The following TRIM24 variants were observed in gnomAD, a reference collection of about 807,000 sequenced individuals.
TRIM24 encodes the protein tripartite motif containing 24, also known as transcription intermediary factor 1-alpha.
A neutral mutation model predicts 123.9 loss-of-function variants in TRIM24; 29 were observed. That is an observed-to-expected ratio of 0.23 (90% confidence interval 0.17 to 0.32). The LOEUF (loss-of-function observed/expected upper bound fraction) is 0.32. TRIM24 is among the 10% of genes least tolerant of loss of function. The pLI, the probability that TRIM24 is intolerant of heterozygous loss-of-function variation, is 1.00. For synonymous variants in TRIM24, 456 were observed against 461.1 expected, an observed-to-expected ratio of 0.99 and a Z score of 0.14; for missense variants, 932 against 1,295.3, an observed-to-expected ratio of 0.72 and a Z score of 4.31.
At chr7:138,580,148 C>T (rs2116690643) in intron 15 of TRIM24, among the ~76,000 whole-genome samples, 1 of 152,206 alleles carries the variant, frequency 6.6e-6, no homozygotes, top group African/African-American at 2.4e-5. Flanking sequence ...GTTGATCTCT[C>T]AGTTCTTGGA....
intron 6 of TRIM24, among the ~76,000 whole-genome samples, chr7:138,532,018 G>A (rs1332593261): frequency 4.0e-5 from 6 of 151,888 alleles, no homozygotes; most frequent in Non-Finnish European, 7.4e-5. Flanking sequence ...AATGTCTTTA[G>A]AGAAGTGTCT....
intron 1 of TRIM24, among the ~76,000 whole-genome samples, chr7:138,465,183 C>T (rs1456874868): frequency 6.6e-6 from 1 of 152,174 alleles, no homozygotes; most frequent in Non-Finnish European, 1.5e-5. Flanking sequence ...TGTTTTAAAA[C>T]TTCGGTTTAA....
intron 1 of TRIM24, among the ~76,000 whole-genome samples, chr7:138,474,216 C>T (rs575825362): frequency 3.3e-5 from 5 of 149,680 alleles, no homozygotes; most frequent in Non-Finnish European, 5.9e-5. Context: ...AACTCTGCCT[C>T]CCGGGTTCAC....
At chr7:138,473,202 C>T (rs1563023066) in intron 1 of TRIM24, among the ~76,000 whole-genome samples, 1 of 152,168 alleles carries the variant, frequency 6.6e-6, no homozygotes, top group Non-Finnish European at 1.5e-5. Flanking sequence ...ATTGCTTGAA[C>T]CCAGGAGGCG....
intron 6 of TRIM24, among the ~76,000 whole-genome samples, chr7:138,537,207 A>ACTGTACCCACGGTC (rs1676910991): frequency 1.3e-5 from 2 of 151,922 alleles, no homozygotes; most frequent in African/African-American, 4.8e-5. Flanking sequence ...CACTCGGTGC[A>ACTGTACCCACGGTC]CTGTACCCAC....
chr7:138,578,738 C>A (rs1797827165), intron 14 of TRIM24, among the ~76,000 whole-genome samples: 1 of 149,326 alleles, frequency 6.7e-6, no homozygotes, highest in Non-Finnish European at 1.5e-5. Context: ...ATAGTTCTTC[C>A]AAGGAATAAG....
chr7:138,538,686 T>C lies in TRIM24; in HGVS notation c.1026T>C (p.Leu342=). The C allele has an allele frequency of 6.2e-7, 1 of 1,614,152 alleles. No individual in the cohort carries two copies. Among genetic ancestry groups the C allele is most frequent in the South Asian group, 1.1e-5 (1 of 91,082 alleles). Residue 342 remains leucine (L), a synonymous_variant, in exon 7 of 19, where the codon CTT becomes CTC. Transcript: ENST00000343526. The part of the protein sequence containing the change: ...ESLAKDHRMK[L]MQQQQEVAGL... ...TTGCAAAGGACCATCGCATGAAACT[T>C]ATGCAACAACAACAGGAAGTGGCTG... is the stretch of plus-strand genomic sequence containing the variant.
At chr7:138,548,872 A>G (rs1797155150) in intron 7 of TRIM24, among the ~76,000 whole-genome samples, 1 of 152,122 alleles carries the variant, frequency 6.6e-6, no homozygotes, top group African/African-American at 2.4e-5. Context: ...CATATCATCA[A>G]TATCACTGTC....
At chr7:138,493,166 TC>T (rs2116503279) in intron 1 of TRIM24, among the ~76,000 whole-genome samples, 1 of 152,366 alleles carries the variant, frequency 6.6e-6, no homozygotes, top group East Asian at 1.9e-4. Flanking sequence ...GTGCATAGTT[TC>T]TTTTATCTCA....
Position 138,589,413 on chromosome 7 carries a change from T to C in TRIM24, c.*4462T>C, listed in dbSNP as rs1228065091. ...CCACAAGGATTTTTTAATAGAAAAA[T>C]TACTGAATGTTACTTCAGCAGAGTT... On this transcript the variant is annotated 3_prime_UTR_variant, in exon 19 of 19. Transcript: ENST00000343526. The C allele has an allele frequency of 6.6e-6, 1 of 152,158 alleles. No individual in the cohort carries two copies. 9.4% of individuals were successfully genotyped at this position (152,158 alleles called of 1,614,324 possible).
At chr7:138,473,515 C>T (rs1255502659) in intron 1 of TRIM24, among the ~76,000 whole-genome samples, 2 of 152,166 alleles carry the variant, frequency 1.3e-5, no homozygotes, top group Non-Finnish European at 2.9e-5. Context: ...CTATCTCCTC[C>T]TCTCCTTTTG....
intron 1 of TRIM24, among the ~76,000 whole-genome samples, chr7:138,496,612 C>G (rs919812634): frequency 6.6e-6 from 1 of 151,948 alleles, no homozygotes; most frequent in African/African-American, 2.4e-5. Flanking sequence ...TTGTTAGGTT[C>G]TTGAAAGTTT....
intron 3 of TRIM24, among the ~76,000 whole-genome samples, chr7:138,516,958 T>A (rs1476064801): frequency 6.6e-6 from 1 of 151,786 alleles, no homozygotes; most frequent in Non-Finnish European, 1.5e-5. Context: ...AAAAATTAGC[T>A]GGGCGTGATA....
chr7:138,479,788 G>A (rs559612048), intron 1 of TRIM24, among the ~76,000 whole-genome samples: 6 of 151,804 alleles, frequency 4.0e-5, no homozygotes, highest in East Asian at 1.9e-4. Context: ...GATTACAGGC[G>A]TGCCACTGCG....
At chr7:138,542,722 G>C (rs1797029051) in intron 7 of TRIM24, among the ~76,000 whole-genome samples, 1 of 152,166 alleles carries the variant, frequency 6.6e-6, no homozygotes, top group Non-Finnish European at 1.5e-5. Flanking sequence ...TCCAAAAAAT[G>C]GAAGTCCAGA....
intron 4 of TRIM24, among the ~76,000 whole-genome samples, chr7:138,524,389 T>TA (rs1212336394): frequency 4.6e-5 from 7 of 151,828 alleles, no homozygotes; most frequent in South Asian, 2.1e-4. Context: ...TTTACTAAGG[T>TA]AAAAAAAACT....
intron 1 of TRIM24, among the ~76,000 whole-genome samples, chr7:138,468,882 C>T (rs1253953838): frequency 1.3e-5 from 2 of 152,180 alleles, no homozygotes; most frequent in Admixed American, 6.5e-5. Flanking sequence ...TCACAATCCC[C>T]GAATCTCTCT....
chr7:138,554,628 G>T lies in TRIM24; in HGVS notation c.1262-70G>T. Reference sequence around the variant, plus strand: ...GCAATTTTGAAGTTCTGCAAAAATAGCTTTAGAAAATGTGATATTTCACCA... The same window carrying T: ...GCAATTTTGAAGTTCTGCAAAAATATCTTTAGAAAATGTGATATTTCACCA... On this transcript the variant is annotated intron_variant, in intron 8 of 18. Coordinates refer to ENST00000343526, the MANE Select transcript of TRIM24 (RefSeq NM_015905.3). The surrounding 1 kb of genome is among the most constrained non-coding windows in gnomAD (Gnocchi z 4.5). The T allele has an allele frequency of 6.5e-7, 1 of 1,529,472 alleles. No homozygotes were observed. The allele number at this position is 1,529,472 out of a possible 1,614,324, so 94.7% of individuals were successfully genotyped here.
chr7:138,465,588 T>A (rs1172894529), intron 1 of TRIM24, among the ~76,000 whole-genome samples: 3 of 152,190 alleles, frequency 2.0e-5, no homozygotes, highest in Non-Finnish European at 4.4e-5. Flanking sequence ...TTCCAAGATT[T>A]CTTTACTAAC....
Sources: allele counts gnomAD v4.1 joint callset (sites outside exome capture counted in the v4.1 genomes callset), GRCh38; gene constraint gnomAD v4.1.1; non-coding constraint Gnocchi (gnomAD v3.1); transcripts MANE v1.5; gene names NCBI Gene and HGNC (gene_info 2026-07-23, HGNC 2026-07-21).